Variants in CCDC7 observed in about 807,000 individuals in gnomAD.
The protein encoded by CCDC7 is coiled-coil domain-containing protein 7.
CCDC7 carries 183 observed loss-of-function variants against 196.9 expected under a neutral mutation model. That is an observed-to-expected ratio of 0.93 (90% CI 0.82 to 1.05). The LOEUF (loss-of-function observed/expected upper bound fraction) is 1.05. Among genes scored for constraint, CCDC7 ranks in the 50% least tolerant of loss-of-function variants. CCDC7 has a pLI of 0.00. For missense variants in CCDC7, 1,540 were observed against 1,482.2 expected, an observed-to-expected ratio of 1.04 and a Z score of -0.64; for synonymous variants, 525 against 484.6, an observed-to-expected ratio of 1.08 and a Z score of -1.10.
At chr10:32,827,423 C>T (rs1025830747) in intron 32 of CCDC7, among the ~76,000 whole-genome samples, 9 of 152,146 alleles carry the variant, frequency 5.9e-5, no homozygotes, top group African/African-American at 1.9e-4. Flanking sequence ...ACACTTACTC[C>T]GGATATGGGT....
At chr10:32,847,775 A>C in intron 37 of CCDC7, 58 bp from the exon 39 acceptor site, 1 of 1,003,014 alleles carries the variant, frequency 1.0e-6, no homozygotes, top group South Asian at 1.5e-5. Context: ...ACTAAAATAC[A>C]TGTGTAACAT....
intron 41 of CCDC7, among the ~76,000 whole-genome samples, chr10:32,867,335 T>C (rs903484977): frequency 6.6e-6 from 1 of 151,794 alleles, no homozygotes; most frequent in Middle Eastern, 3.4e-3. Context: ...GTTACCCCTC[T>C]ATAGTTCAGA....
chr10:32,664,983 A>G (rs1402129087), intron 21 of CCDC7, among the ~76,000 whole-genome samples: 1 of 151,830 alleles, frequency 6.6e-6, no homozygotes. Context: ...CTTCTCTTCC[A>G]TCTTTTTGAT....
intron 21 of CCDC7, among the ~76,000 whole-genome samples, chr10:32,671,134 A>G (rs537891553): frequency 1.6e-4 from 25 of 152,326 alleles, no homozygotes; most frequent in African/African-American, 5.0e-4. Context: ...TATTAAGTCT[A>G]CAGTAGTGCA....
rs754284695 is a variant in CCDC7, at chr10:32,565,532, CT to C, written c.1135-20del. 1.0e-5 allele frequency: 16 copies of C among 1,598,766 alleles called. No individual in the cohort carries two copies. In the Admixed American group the frequency reaches 1.2e-4, roughly 12 times the overall value. On this transcript the variant is annotated intron_variant, in intron 13 of 41. Transcript: ENST00000639629. ...TAATTAAAAATACCAAAGTAAATAC[CT>C]TTTTTCCCCCTTCTTACTTCCTAGA...
At chr10:32,498,456 G>T (rs1340710654) in intron 9 of CCDC7, among the ~76,000 whole-genome samples, 1 of 152,124 alleles carries the variant, frequency 6.6e-6, no homozygotes, top group African/African-American at 2.4e-5. Flanking sequence ...CCCGTTAGTT[G>T]ATGCTGTTTC....
chr10:32,707,236 T>C (rs1461118895), intron 24 of CCDC7, among the ~76,000 whole-genome samples: 1 of 152,194 alleles, frequency 6.6e-6, no homozygotes, highest in Non-Finnish European at 1.5e-5. Flanking sequence ...ATTGTGTCAA[T>C]AGATGCAGAA....
At chr10:32,702,774 CTTCT>C (rs1463979760) in intron 24 of CCDC7, among the ~76,000 whole-genome samples, 1 of 152,090 alleles carries the variant, frequency 6.6e-6, no homozygotes, top group East Asian at 1.9e-4. Context: ...ATGTAATGGC[CTTCT>C]TTGTCTCTTT....
At position 32,868,538 on chromosome 10, in the gene CCDC7, T is replaced by G. The variant is rs370261489; in HGVS notation, c.4112-7809T>G. Among the ~76,000 whole-genome samples, 18 of 151,968 alleles carry G rather than the reference T, an allele frequency of 1.2e-4. No individual in the cohort carries two copies. The East Asian group carries it at 2.7e-3, about 23-fold the overall frequency. On this transcript the variant is annotated intron_variant, in intron 41 of 41. Transcript: ENST00000639629. ...AAGTTGTAGTGTAGTGTTTTCAAGA[T>G]TCATCTATGTTTTAGCATTTATCAG...
chr10:32,815,964 G>C (rs181531825), intron 31 of CCDC7, among the ~76,000 whole-genome samples: 104 of 152,268 alleles, frequency 6.8e-4, no homozygotes, highest in African/African-American at 2.2e-3. Flanking sequence ...CTGAGGTACC[G>C]GGTTCATCTC....
At chr10:32,669,645 C>T (rs7089366) in intron 21 of CCDC7, among the ~76,000 whole-genome samples, 21,558 of 151,936 alleles carry the variant, frequency 0.14, 1,876 homozygotes, top group African/African-American at 0.25. Flanking sequence ...CATTTCTTCA[C>T]GGTTATTGAA....
At chr10:32,866,252 T>C (rs547677506) in intron 41 of CCDC7, among the ~76,000 whole-genome samples, 65 of 151,782 alleles carry the variant, frequency 4.3e-4, no homozygotes, top group African/African-American at 1.5e-3. Flanking sequence ...AAGAAATAAA[T>C]GATAAGCTAG....
intron 28 of CCDC7, among the ~76,000 whole-genome samples, chr10:32,747,604 A>G (rs2075001103): frequency 6.6e-6 from 1 of 152,248 alleles, no homozygotes; most frequent in Non-Finnish European, 1.5e-5. Flanking sequence ...AAGCATATGA[A>G]AAAAATGCTT....
intron 31 of CCDC7, among the ~76,000 whole-genome samples, chr10:32,816,189 A>G (rs2088469985): frequency 6.6e-6 from 1 of 152,176 alleles, no homozygotes; most frequent in South Asian, 2.1e-4. Flanking sequence ...AGGAGATTAT[A>G]TCCTGCGCAT....
At chr10:32,878,848 C>T (rs2094685945), downstream of CCDC7, among the ~76,000 whole-genome samples, 1 of 152,088 alleles carries the variant, frequency 6.6e-6, no homozygotes, top group Non-Finnish European at 1.5e-5. Context: ...CTGCTAAAGA[C>T]AAATCTGAAC....
intron 40 of CCDC7, among the ~76,000 whole-genome samples, chr10:32,853,199 A>G (rs563623511): frequency 1.1e-4 from 17 of 152,202 alleles, no homozygotes; most frequent in Admixed American, 1.0e-3. Flanking sequence ...TGAAGAATAT[A>G]CTAATTATAA....
chr10:32,839,494 A>G (rs1234216296), intron 33 of CCDC7, among the ~76,000 whole-genome samples: 1 of 151,966 alleles, frequency 6.6e-6, no homozygotes, highest in Non-Finnish European at 1.5e-5. Context: ...AACACTGGAA[A>G]TGCCAAGCTT....
At chr10:32,630,310 C>T (rs945958803) in intron 18 of CCDC7, among the ~76,000 whole-genome samples, 1 of 151,066 alleles carries the variant, frequency 6.6e-6, no homozygotes, top group Admixed American at 6.6e-5. Context: ...TATATGGGTA[C>T]CATATATATG....
At chr10:32,669,283 C>A (rs1054419581) in intron 21 of CCDC7, among the ~76,000 whole-genome samples, 1 of 151,966 alleles carries the variant, frequency 6.6e-6, no homozygotes, top group Non-Finnish European at 1.5e-5. Flanking sequence ...AATGTGCTGT[C>A]GAATTTAGTT....
Sources: gnomAD v4.1 joint callset for allele counts (sites outside exome capture counted in the v4.1 genomes callset) on GRCh38, gnomAD v4.1.1 for gene constraint, MANE v1.5 for transcripts, NCBI Gene and HGNC (gene_info 2026-07-23, HGNC 2026-07-21) for gene names.